The following GALNT13 variants were observed in gnomAD, a reference collection of about 807,000 sequenced individuals.
GALNT13 encodes the protein polypeptide N-acetylgalactosaminyltransferase 13.
A neutral mutation model predicts 64.2 loss-of-function variants in GALNT13; 28 were observed. That is an observed-to-expected ratio of 0.44 (90% CI 0.32 to 0.60). The LOEUF (loss-of-function observed/expected upper bound fraction) is 0.60, where lower values mean the gene tolerates loss of function less well. GALNT13 is among the 20% of genes least tolerant of loss of function. GALNT13 has a pLI of 0.05. For synonymous variants in GALNT13, 214 were observed against 224.6 expected, an observed-to-expected ratio of 0.95 and a Z score of 0.42; for missense variants, 577 against 669.8, an observed-to-expected ratio of 0.86 and a Z score of 1.53.
intron 3 of GALNT13, among the ~76,000 whole-genome samples, chr2:154,108,020 T>C (rs1355270197): frequency 6.6e-6 from 1 of 152,202 alleles, no homozygotes; most frequent in Non-Finnish European, 1.5e-5. Context: ...ACACTTGGGT[T>C]GATTCCATGA....
the GALNT13 span, among the ~76,000 whole-genome samples, chr2:153,128,554 C>T: frequency 6.6e-6 from 1 of 152,036 alleles, no homozygotes; most frequent in Non-Finnish European, 1.5e-5. Flanking sequence ...CAGCTAGGGG[C>T]TTTGCCTTCA....
At chr2:153,838,618 G>T in the GALNT13 span, among the ~76,000 whole-genome samples, 2 of 151,656 alleles carry the variant, frequency 1.3e-5, no homozygotes, top group Non-Finnish European at 3.0e-5. Context: ...CTACTCTATT[G>T]GTGCAAAAGT....
chr2:154,354,056 C>G (rs1454283381), intron 9 of GALNT13, among the ~76,000 whole-genome samples: 1 of 152,140 alleles, frequency 6.6e-6, no homozygotes, highest in East Asian at 1.9e-4. Context: ...TTCTCTCTAC[C>G]CCCACCACCG....
the GALNT13 span, among the ~76,000 whole-genome samples, chr2:153,466,975 TA>T: frequency 6.6e-6 from 1 of 151,874 alleles, no homozygotes; most frequent in Admixed American, 6.6e-5. Context: ...AAGTGCTCAA[TA>T]AAAAAATATA....
the GALNT13 span, among the ~76,000 whole-genome samples, chr2:153,652,512 G>A: frequency 1.1e-4 from 16 of 152,204 alleles, no homozygotes; most frequent in African/African-American, 3.6e-4. Context: ...CTACTCTGGA[G>A]GCTGTGACAG....
chr2:154,141,227 G>A (rs1159557905), intron 4 of GALNT13, among the ~76,000 whole-genome samples: 1 of 152,070 alleles, frequency 6.6e-6, no homozygotes, highest in African/African-American at 2.4e-5. Context: ...TACGCTACTT[G>A]TAGACTTTAT....
At chr2:153,485,387 A>C in the GALNT13 span, among the ~76,000 whole-genome samples, 1 of 152,176 alleles carries the variant, frequency 6.6e-6, no homozygotes, top group Non-Finnish European at 1.5e-5. Context: ...TCTCATCCAG[A>C]ATTTAATTAT....
the GALNT13 span, among the ~76,000 whole-genome samples, chr2:153,541,941 A>G: frequency 6.6e-6 from 1 of 152,192 alleles, no homozygotes; most frequent in African/African-American, 2.4e-5. Flanking sequence ...GCCTCTAGTC[A>G]GTAATTTTTA....
chr2:154,235,501 A>G (rs1689147508), intron 4 of GALNT13, among the ~76,000 whole-genome samples: 1 of 152,208 alleles, frequency 6.6e-6, no homozygotes, highest in African/African-American at 2.4e-5. Context: ...CTCTCTGAAT[A>G]TGAATGTTAA....
the GALNT13 span, among the ~76,000 whole-genome samples, chr2:153,744,875 G>C: frequency 6.6e-6 from 1 of 152,122 alleles, no homozygotes; most frequent in Non-Finnish European, 1.5e-5. Flanking sequence ...CTTCCCAGGT[G>C]AGGTGAGGTG....
intron 11 of GALNT13, among the ~76,000 whole-genome samples, chr2:154,431,778 A>G (rs538970322): frequency 3.2e-4 from 49 of 152,316 alleles, no homozygotes; most frequent in Non-Finnish European, 6.5e-4. Context: ...TGTTCTCATG[A>G]TAGTGAATAA....
chr2:153,653,487 T>G, the GALNT13 span, among the ~76,000 whole-genome samples: 1 of 152,316 alleles, frequency 6.6e-6, no homozygotes, highest in African/African-American at 2.4e-5. Context: ...AATCGTATTT[T>G]TTAGAATACT....
Position 154,351,682 on chromosome 2 carries a change from C to CAAAAAAAAAAAAA in GALNT13, c.1157-44283_1157-44271dup, listed in dbSNP as rs567606376. On this transcript the variant is annotated intron_variant, in intron 9 of 12. Coordinates refer to ENST00000392825, the MANE Select transcript of GALNT13 (RefSeq NM_052917.4). ...TGGGCGACAAAGCGAGACTCCGTCT[C>CAAAAAAAAAAAAA]AAAAAAAAAAAAAAAAAAAAAAAAA... is the stretch of plus-strand genomic sequence containing the variant. 5.6e-4 allele frequency among the ~76,000 whole-genome samples: 25 copies of CAAAAAAAAAAAAA among 44,684 alleles called. 3 individuals carry two copies. Among genetic ancestry groups the CAAAAAAAAAAAAA allele is most frequent in the Admixed American group, 1.2e-3 (3 of 2,540 alleles). The allele number at this position is 44,684 out of a possible 152,430, so 29.3% of individuals were successfully genotyped here. A position where few individuals can be genotyped will look rare whatever the true frequency, so the allele number is the denominator to read the frequency against.
chr2:153,689,663 C>T, the GALNT13 span, among the ~76,000 whole-genome samples: 1 of 151,902 alleles, frequency 6.6e-6, no homozygotes, highest in Admixed American at 6.6e-5. Flanking sequence ...TCCAATGATT[C>T]TTCCTTTATA....
At chr2:153,363,388 GAAGA>G in the GALNT13 span, among the ~76,000 whole-genome samples, 4 of 152,020 alleles carry the variant, frequency 2.6e-5, no homozygotes, top group Non-Finnish European at 4.4e-5. Context: ...TAAGATCAGA[GAAGA>G]ACTGAAGGAG....
chr2:153,767,830 C>T, the GALNT13 span, among the ~76,000 whole-genome samples: 1 of 150,840 alleles, frequency 6.6e-6, no homozygotes, highest in East Asian at 1.9e-4. Flanking sequence ...GTTTGAGTTC[C>T]TTGTGGATTC....
the GALNT13 span, among the ~76,000 whole-genome samples, chr2:153,403,783 C>T: frequency 2.6e-5 from 4 of 152,132 alleles, no homozygotes; most frequent in African/African-American, 7.2e-5. Flanking sequence ...TGCCCTGCTT[C>T]GGCTCGTGCA....
At chr2:153,083,510 AAT>A in the GALNT13 span, among the ~76,000 whole-genome samples, 2 of 151,992 alleles carry the variant, frequency 1.3e-5, no homozygotes, top group Admixed American at 1.3e-4. Flanking sequence ...AGCATTTTTT[AAT>A]ATGTTTGTTG....
At chr2:154,382,392 A>G (rs1381449767) in intron 9 of GALNT13, among the ~76,000 whole-genome samples, 1 of 152,066 alleles carries the variant, frequency 6.6e-6, no homozygotes, top group Non-Finnish European at 1.5e-5. Context: ...GTGATTACTG[A>G]GAAGTTCTCA....
Sources: allele counts gnomAD v4.1 joint callset (sites outside exome capture counted in the v4.1 genomes callset), GRCh38; gene constraint gnomAD v4.1.1; transcripts MANE v1.5; gene names NCBI Gene and HGNC (gene_info 2026-07-23, HGNC 2026-07-21).